PCDHGB3: variants seen among roughly 807,000 people sequenced by gnomAD.
The protein encoded by PCDHGB3 is protocadherin gamma-B3.
PCDHGB3 carries 40 observed loss-of-function variants against 59.2 expected under a neutral mutation model. The ratio of observed to expected loss-of-function variants is 0.68; its 90% confidence interval spans 0.52 to 0.88. The LOEUF is 0.88. Among genes scored for constraint, PCDHGB3 ranks in the 40% least tolerant of loss-of-function variants. PCDHGB3 has a pLI of 0.00. For synonymous variants in PCDHGB3, 581 were observed against 503.6 expected (o/e 1.15, Z -2.06); for missense variants, 1,309 against 1,187.9 (o/e 1.10, Z -1.50).
At position 141,410,457 on chromosome 5, in the gene PCDHGB3, A is replaced by G. The variant is rs372920524; in HGVS notation, c.2415+37648A>G. 1.2e-6 allele frequency: 2 copies of G among 1,614,044 alleles called. No homozygotes were observed. ...AGTGAGGGGACTTTGCCTTATTCTTATAATCTGTGCATTGCACATACGGGT... is the reference window on the plus strand; with the variant it reads ...AGTGAGGGGACTTTGCCTTATTCTTGTAATCTGTGCATTGCACATACGGGT... On this transcript the variant is annotated intron_variant, in intron 1 of 3. Transcript: ENST00000576222.
At chr5:141,379,666 A>C (rs1254771519) in intron 1 of PCDHGB3, 1 of 152,160 alleles carries the variant, frequency 6.6e-6, no homozygotes, top group East Asian at 1.9e-4. Context: ...CTCTCACAAA[A>C]GTCATTCACT....
rs781345070 is a variant in PCDHGB3 at position 141,371,941 on chromosome 5, C to T, written c.1547C>T (p.Ala516Val). 8 of 1,613,174 alleles carry T rather than the reference C, an allele frequency of 5.0e-6. No individual in the cohort carries two copies. The South Asian group carries it at 7.7e-5, about 15-fold the overall frequency. The change falls in exon 1 of 4, where the codon GCG becomes GTG. Residue 516 changes from alanine (A) to valine (V), a missense_variant. By Grantham distance (64) the Ala-to-Val change is moderately conservative. Transcript: ENST00000576222. ...AGCGCGCGGAGCGGGGTGGTGTTCG[C>T]GCAGCGAGCCTTCGACCACGAGCAG... ...SVSARSGVVFAQRAFDHEQLR... is the reference protein window; with the variant it reads ...SVSARSGVVFVQRAFDHEQLR...
chr5:141,383,043 C>T, intron 1 of PCDHGB3: 1 of 1,613,860 alleles, frequency 6.2e-7, no homozygotes, highest in Non-Finnish European at 8.5e-7. Flanking sequence ...TGGGAGACAT[C>T]GCCAAGGACC....
At position 141,454,796 on chromosome 5, in the gene PCDHGB3, A is replaced by ATTTTTTTTTTTTTTTTTTTT. The variant is rs61612330; in HGVS notation, c.2416-40001_2416-39982dup. Among the ~76,000 whole-genome samples, 20 of 77,456 alleles carry ATTTTTTTTTTTTTTTTTTTT rather than the reference A, an allele frequency of 2.6e-4. 2 individuals carry two copies. Among genetic ancestry groups the ATTTTTTTTTTTTTTTTTTTT allele is most frequent in the South Asian group, 5.1e-4 (1 of 1,960 alleles). The allele number at this position is 77,456 out of a possible 152,430, so 50.8% of individuals were successfully genotyped here. On this transcript the variant is annotated intron_variant, in intron 1 of 3. Transcript: ENST00000576222. Reference sequence around the variant, plus strand: ...AAGGAAATAATCCTCCATGGTTCTAATTTTTTTTTTTTTTTTTTTTTTTTT... The same window carrying ATTTTTTTTTTTTTTTTTTTT: ...AAGGAAATAATCCTCCATGGTTCTAATTTTTTTTTTTTTTTTTTTTTTTTTTTTTTTTTTTTTTTTTTTTT...
chr5:141,390,568 C>G (rs2092182781), intron 1 of PCDHGB3: 3 of 414,984 alleles, frequency 7.2e-6, no homozygotes, highest in East Asian at 4.5e-5. Flanking sequence ...GTTGTTGGCT[C>G]TCTCCTAAAA....
intron 1 of PCDHGB3, chr5:141,414,361 T>G: frequency 6.2e-7 from 1 of 1,613,876 alleles, no homozygotes; most frequent in Non-Finnish European, 8.5e-7. Context: ...GTATCTACCA[T>G]TTAAATTAGA....
intron 2 of PCDHGB3, among the ~76,000 whole-genome samples, chr5:141,499,573 A>AT (rs2099792803): frequency 1.3e-5 from 2 of 152,108 alleles, no homozygotes; most frequent in Non-Finnish European, 2.9e-5. Context: ...AGCTTCAACT[A>AT]ATGCCTTATC....
chr5:141,405,529 C>G, intron 1 of PCDHGB3: 1 of 654,350 alleles, frequency 1.5e-6, no homozygotes, highest in Middle Eastern at 4.2e-4. Flanking sequence ...AAGCGATTCT[C>G]CTGCCTCAGC....
At position 141,491,651 on chromosome 5, in the gene PCDHGB3, A is replaced by G. The variant is rs1379494110; in HGVS notation, c.2416-3156A>G. 1.9e-6 allele frequency: 3 copies of G among 1,613,796 alleles called. 1 individual carries two copies. ...CAGCAGCCCACAGCTCTGGCGCTGGAGCCTGACGCCATCCGGTCCCGCTCT... is the reference window on the plus strand; with the variant it reads ...CAGCAGCCCACAGCTCTGGCGCTGGGGCCTGACGCCATCCGGTCCCGCTCT... On this transcript the variant is annotated intron_variant, in intron 1 of 3. Coordinates refer to ENST00000576222, the MANE Select transcript of PCDHGB3 (RefSeq NM_018924.5). The surrounding 1 kb of genome is among the most constrained non-coding windows in gnomAD (Gnocchi z 6.9).
intron 1 of PCDHGB3, chr5:141,375,553 A>C: frequency 6.2e-7 from 1 of 1,613,838 alleles, no homozygotes; most frequent in Non-Finnish European, 8.5e-7. Flanking sequence ...TCTCCTACTC[A>C]CTGGCAGAAG....
chr5:141,403,358 G>A (rs1031210052), intron 1 of PCDHGB3: 1 of 1,614,026 alleles, frequency 6.2e-7, no homozygotes. Flanking sequence ...GTTCCAGGCC[G>A]AAAGTCTGGA....
intron 1 of PCDHGB3, chr5:141,468,330 C>CAAAAAAAAA (rs533390277): frequency 1.3e-5 from 1 of 79,886 alleles, no homozygotes; most frequent in African/African-American, 3.9e-5. Context: ...AACTCCATCT[C>CAAAAAAAAA]AAAAAAAAAA....
Position 141,491,886 on chromosome 5 carries a change from G to A in PCDHGB3, c.2416-2921G>A. On this transcript the variant is annotated intron_variant, in intron 1 of 3. Coordinates refer to ENST00000576222, the MANE Select transcript of PCDHGB3 (RefSeq NM_018924.5). The surrounding 1 kb of genome is among the most constrained non-coding windows in gnomAD (Gnocchi z 6.9). ...CCAGAGTGGCCGATTAAGGGATGGG[G>A]CTCCGAGCACCGGGGGTGGTGGCGA... 6.9e-7 allele frequency: 1 copy of A among 1,445,558 alleles called. No individual in the cohort carries two copies. Among genetic ancestry groups the A allele is most frequent in the Non-Finnish European group, 9.1e-7 (1 of 1,093,458 alleles). 89.5% of individuals were successfully genotyped at this position (1,445,558 alleles called of 1,614,324 possible). A position where few individuals can be genotyped will look rare whatever the true frequency, so the allele number is the denominator to read the frequency against.
At chr5:141,466,095 C>T (rs1170423552) in intron 1 of PCDHGB3, among the ~76,000 whole-genome samples, 1 of 152,038 alleles carries the variant, frequency 6.6e-6, no homozygotes, top group African/African-American at 2.4e-5. Flanking sequence ...GCACTCCAGC[C>T]TGGGCAACAG....
chr5:141,428,251 T>G, intron 1 of PCDHGB3: 2 of 893,496 alleles, frequency 2.2e-6, no homozygotes, highest in Non-Finnish European at 3.6e-6. Context: ...ACTGCCAGAC[T>G]TCAGTGACAG....
At chr5:141,423,837 A>G (rs73792199) in intron 1 of PCDHGB3, 16,285 of 1,277,458 alleles carry the variant, frequency 0.013, 610 homozygotes, top group African/African-American at 0.098. Context: ...TGAGATTACG[A>G]TAATCTTTCA....
chr5:141,410,849 C>CTTTT lies in PCDHGB3; in HGVS notation c.2415+38059_2415+38062dup, dbSNP rs759346998. The CTTTT allele has an allele frequency of 9.0e-3, 1,245 of 137,660 alleles. 106 individuals are homozygous for CTTTT. The highest frequency in any genetic ancestry group is 0.023 in the African/African-American group (378 of 16,590). 8.5% of individuals were successfully genotyped at this position (137,660 alleles called of 1,614,324 possible). On this transcript the variant is annotated intron_variant, in intron 1 of 3. Coordinates refer to ENST00000576222, the MANE Select transcript of PCDHGB3 (RefSeq NM_018924.5). The stretch of plus-strand genomic sequence containing the variant: ...CAGACTGAAGATATTTTGTCTTTGT[C>CTTTT]TTTTTTTTTTTTTTTTTTTTTTGAG...
chr5:141,383,564 G>T (rs767546411), intron 1 of PCDHGB3: 1 of 1,613,046 alleles, frequency 6.2e-7, no homozygotes, highest in South Asian at 1.1e-5. Flanking sequence ...GACCCGCCCC[G>T]ATCCAGCACC....
intron 1 of PCDHGB3, chr5:141,410,442 C>G (rs1444532577): frequency 6.2e-7 from 1 of 1,613,942 alleles, no homozygotes; most frequent in Admixed American, 1.7e-5. Context: ...AGTGAGGGGA[C>G]TTTGCCTTAT....
Sources: allele counts gnomAD v4.1 joint callset (sites outside exome capture counted in the v4.1 genomes callset), GRCh38; gene constraint gnomAD v4.1.1; non-coding constraint Gnocchi (gnomAD v3.1); transcripts MANE v1.5; gene names NCBI Gene and HGNC (gene_info 2026-07-23, HGNC 2026-07-21).